Variants in SPP2 observed in about 807,000 individuals in gnomAD.
SPP2 encodes the protein secreted phosphoprotein 24.
In SPP2, 34 loss-of-function variants were observed where a neutral mutation model predicts 28.8. That is an observed-to-expected ratio of 1.18 (90% CI 0.90 to 1.57). The LOEUF (loss-of-function observed/expected upper bound fraction) is 1.57. Ranked by LOEUF, SPP2 falls within the 40% of genes most tolerant of loss-of-function variation. SPP2 has a pLI of 0.00. For synonymous variants in SPP2, 96 were observed against 89.4 expected (o/e 1.07, Z -0.42); for missense variants, 269 against 263.9 (o/e 1.02, Z -0.13).
chr2:234,052,683 G>A (rs1693522004), intron 2 of SPP2, among the ~76,000 whole-genome samples: 1 of 152,172 alleles, frequency 6.6e-6, no homozygotes, highest in African/African-American at 2.4e-5. Context: ...TCCACCTCAA[G>A]TACACTGCTC....
At chr2:234,074,327 T>C (rs1256036476) in intron 7 of SPP2, among the ~76,000 whole-genome samples, 2 of 152,164 alleles carry the variant, frequency 1.3e-5, no homozygotes, top group Non-Finnish European at 2.9e-5. Flanking sequence ...TAGCAACATA[T>C]CTGCTTATCA....
chr2:234,071,627 C>T lies in SPP2; in HGVS notation c.*10+1604C>T, dbSNP rs143969146. Among the ~76,000 whole-genome samples the T allele has an allele frequency of 3.5e-3, 534 of 152,310 alleles. 2 individuals carry two copies. The highest frequency in any genetic ancestry group is 4.8e-3 in the Non-Finnish European group (324 of 68,034). ...GTTAATAATGAAGTTGGAGTGTTCA[C>T]GGGCTTTACAGTCTGCATAACACTG... On this transcript the variant is annotated intron_variant, in intron 7 of 7. Transcript: ENST00000168148.
At chr2:234,064,885 A>G (rs983642308) in intron 4 of SPP2, among the ~76,000 whole-genome samples, 1 of 152,222 alleles carries the variant, frequency 6.6e-6, no homozygotes, top group African/African-American at 2.4e-5. Flanking sequence ...GCATGCATCA[A>G]TGCTTCATTC....
intron 3 of SPP2, 134 bp from the exon 4 acceptor site, chr2:234,060,235 A>G (rs1216954953): frequency 1.3e-5 from 8 of 632,918 alleles, no homozygotes; most frequent in Non-Finnish European, 2.8e-6. Context: ...TCATTTTGAA[A>G]AAATAAAATG....
intron 2 of SPP2, among the ~76,000 whole-genome samples, chr2:234,052,864 G>T (rs373697386): frequency 6.6e-6 from 1 of 152,030 alleles, no homozygotes. Flanking sequence ...TTTCTATTGG[G>T]AGTGTTTCAT....
intron 2 of SPP2, among the ~76,000 whole-genome samples, chr2:234,054,492 G>A (rs1324307734): frequency 1.3e-5 from 2 of 152,144 alleles, no homozygotes; most frequent in African/African-American, 4.8e-5. Context: ...TGAGATCTGG[G>A]ATGAGGGTGC....
intron 6 of SPP2, among the ~76,000 whole-genome samples, chr2:234,068,144 G>A (rs1250344969): frequency 6.6e-5 from 10 of 152,240 alleles, no homozygotes; most frequent in African/African-American, 9.6e-5. Context: ...TGTCAACCAC[G>A]TGTGTTACCT....
intron 2 of SPP2, among the ~76,000 whole-genome samples, chr2:234,058,548 AG>A (rs1384844963): frequency 6.6e-6 from 1 of 152,200 alleles, no homozygotes. Flanking sequence ...ACAAACAGTG[AG>A]GATCAATTGT....
chr2:234,071,387 C>T (rs1435480059), intron 7 of SPP2, among the ~76,000 whole-genome samples: 2 of 152,138 alleles, frequency 1.3e-5, no homozygotes, highest in South Asian at 4.1e-4. Flanking sequence ...CCTATCTGCC[C>T]CAGTTCTATA....
At chr2:234,071,682 A>G (rs925449654) in intron 7 of SPP2, among the ~76,000 whole-genome samples, 2 of 152,212 alleles carry the variant, frequency 1.3e-5, no homozygotes, top group African/African-American at 2.4e-5. Context: ...CCAAACTCCC[A>G]GTGTAGCTCA....
chr2:234,073,677 C>T (rs1479915709), intron 7 of SPP2, among the ~76,000 whole-genome samples: 1 of 152,138 alleles, frequency 6.6e-6, no homozygotes, highest in African/African-American at 2.4e-5. Context: ...ATCTTTGTAG[C>T]TGGAATAGTT....
chr2:234,076,979 C>T lies in SPP2; in HGVS notation c.*145C>T, dbSNP rs1345247033. 5.3e-5 allele frequency: 8 copies of T among 151,990 alleles called. No homozygotes were observed. Among genetic ancestry groups the T allele is most frequent in the African/African-American group, 1.2e-4 (5 of 41,358 alleles). 9.4% of individuals were successfully genotyped at this position (151,990 alleles called of 1,614,324 possible). A position where few individuals can be genotyped will look rare whatever the true frequency, so the allele number is the denominator to read the frequency against. On this transcript the variant is annotated 3_prime_UTR_variant, in exon 8 of 8. Transcript: ENST00000168148. The stretch of plus-strand genomic sequence containing the variant: ...CTGGCCTCCAAAGCTGGAATGTGAA[C>T]GCATGCCACGGTGGTCTGACCCTCA...
chr2:234,059,575 T>C (rs1310185750), intron 3 of SPP2, among the ~76,000 whole-genome samples: 1 of 151,788 alleles, frequency 6.6e-6, no homozygotes, highest in Admixed American at 6.6e-5. Context: ...AAACACTTCA[T>C]AGGGACTTAC....
intron 4 of SPP2, 37 bp downstream of exon 4, chr2:234,060,516 T>G: frequency 6.6e-7 from 1 of 1,521,262 alleles, no homozygotes. Context: ...AGACCGCACC[T>G]CTTAGGGTCT....
Position 234,066,560 on chromosome 2 carries a change from C to T in SPP2, c.472C>T (p.His158Tyr), listed in dbSNP as rs575643795. 2 of 1,612,370 alleles carry T rather than the reference C, an allele frequency of 1.2e-6. No homozygotes were observed. Among genetic ancestry groups the T allele is most frequent in the East Asian group, 2.2e-5 (1 of 44,766 alleles). Residue 158 changes from histidine (H) to tyrosine (Y), a missense_variant, in exon 5 of 8, where the codon CAT becomes TAT. Physicochemically the swap from His to Tyr is moderately conservative, Grantham distance 83. Coordinates refer to ENST00000168148, the MANE Select transcript of SPP2 (RefSeq NM_006944.3). ...GATTTTTGGGGACATGTTGGGATCT[C>T]ATAAATGGAGAAACAATTATCTATT... ...EMIFGDMLGSHKWRNNYLFGL... is the reference protein window; with the variant it reads ...EMIFGDMLGSYKWRNNYLFGL...
rs1693478957 is a variant in SPP2, at chr2:234,050,954, T to C, written c.86-17T>C. 1.2e-6 allele frequency: 2 copies of C among 1,613,996 alleles called. No homozygotes were observed. The highest frequency in any genetic ancestry group is 8.5e-7 in the Non-Finnish European group (1 of 1,179,900). On this transcript the variant is annotated splice_polypyrimidine_tract_variant and intron_variant, in intron 1 of 7. Transcript: ENST00000168148. ...CTGTGTCTTGTCTCACTGTGCCCCATGTGCTTGCGTGTCCAGGTTTCCCAG... is the reference window on the plus strand; with the variant it reads ...CTGTGTCTTGTCTCACTGTGCCCCACGTGCTTGCGTGTCCAGGTTTCCCAG...
intron 4 of SPP2, among the ~76,000 whole-genome samples, chr2:234,064,048 C>G (rs757246137): frequency 5.9e-5 from 9 of 152,142 alleles, no homozygotes; most frequent in Non-Finnish European, 1.2e-4. Flanking sequence ...AGGGACAACT[C>G]GACTTAGAGT....
Position 234,076,854 on chromosome 2 carries a change from G to T in SPP2, c.*20G>T, listed in dbSNP as rs531871040. ...GTTCTTCCTCCTGCAGGTGTCCCTCGCCCTTTTGGTTTGTTCAAGGAGCTG... is the reference window on the plus strand; with the variant it reads ...GTTCTTCCTCCTGCAGGTGTCCCTCTCCCTTTTGGTTTGTTCAAGGAGCTG... On this transcript the variant is annotated 3_prime_UTR_variant, in exon 8 of 8. Transcript: ENST00000168148. The T allele has an allele frequency of 6.6e-6, 1 of 152,084 alleles. No homozygotes were observed. Among genetic ancestry groups the T allele is most frequent in the Non-Finnish European group, 1.5e-5 (1 of 68,156 alleles). 9.4% of individuals were successfully genotyped at this position (152,084 alleles called of 1,614,324 possible).
intron 3 of SPP2, 144 bp downstream of exon 3, chr2:234,059,102 G>C (rs1023528902): frequency 1.2e-5 from 12 of 990,712 alleles, no homozygotes; most frequent in South Asian, 1.1e-4. Context: ...GTCCCCTGGT[G>C]GGGGAAGTGT....
Sources: gnomAD v4.1 joint callset for allele counts (sites outside exome capture counted in the v4.1 genomes callset) on GRCh38, gnomAD v4.1.1 for gene constraint, MANE v1.5 for transcripts, NCBI Gene and HGNC (gene_info 2026-07-23, HGNC 2026-07-21) for gene names.